GALNT13: variants seen among roughly 807,000 people sequenced by gnomAD.
The protein encoded by GALNT13 is UDP-GalNAc:polypeptide N-acetylgalactosaminyltransferase 13.
A neutral mutation model predicts 64.2 loss-of-function variants in GALNT13; 28 were observed. That is an observed-to-expected ratio of 0.44 (90% CI 0.32 to 0.60). The LOEUF is 0.60. Among genes scored for constraint, GALNT13 ranks in the 20% least tolerant of loss-of-function variants. The pLI, the probability that GALNT13 is intolerant of heterozygous loss-of-function variation, is 0.05. For missense variants in GALNT13, 577 were observed against 669.8 expected (o/e 0.86, Z 1.53); for synonymous variants, 214 against 224.6 (o/e 0.95, Z 0.42).
At chr2:153,407,298 G>A in the GALNT13 span, among the ~76,000 whole-genome samples, 1 of 152,144 alleles carries the variant, frequency 6.6e-6, no homozygotes, top group African/African-American at 2.4e-5. Flanking sequence ...AATAACTATT[G>A]CATGTTTAAT....
chr2:153,754,631 G>T, the GALNT13 span, among the ~76,000 whole-genome samples: 4 of 152,106 alleles, frequency 2.6e-5, no homozygotes, highest in Non-Finnish European at 4.4e-5. Flanking sequence ...GGAGCTGTGA[G>T]CTGTGCAGCC....
At chr2:153,505,786 A>G in the GALNT13 span, among the ~76,000 whole-genome samples, 17,705 of 152,080 alleles carry the variant, frequency 0.12, 1,092 homozygotes, top group Middle Eastern at 0.17. Context: ...CATGCGGTCT[A>G]TCTTGGAGAA....
downstream of GALNT13, among the ~76,000 whole-genome samples, chr2:154,456,191 T>TTTGTTG (rs70983725): frequency 0.57 from 83,941 of 146,180 alleles, 24,261 homozygotes; most frequent in Admixed American, 0.65. Context: ...TTTGTTTTGT[T>TTTGTTG]TTGTTGTTGT....
chr2:153,650,671 A>G, the GALNT13 span, among the ~76,000 whole-genome samples: 15 of 152,108 alleles, frequency 9.9e-5, no homozygotes, highest in African/African-American at 3.6e-4. Context: ...TGGTGACAAA[A>G]TCTCAGCATT....
chr2:153,909,002 A>T (rs1688766150), intron 2 of GALNT13, among the ~76,000 whole-genome samples: 1 of 152,038 alleles, frequency 6.6e-6, no homozygotes, highest in Admixed American at 6.6e-5. Context: ...CATTTTAATG[A>T]TATTGATTCC....
the GALNT13 span, among the ~76,000 whole-genome samples, chr2:153,742,708 A>G: frequency 6.6e-6 from 1 of 151,988 alleles, no homozygotes; most frequent in Non-Finnish European, 1.5e-5. Context: ...CACTTAGGAT[A>G]ATGGCTCCAG....
chr2:153,299,817 A>G, the GALNT13 span, among the ~76,000 whole-genome samples: 897 of 152,274 alleles, frequency 5.9e-3, 8 homozygotes, highest in African/African-American at 0.021. Context: ...TTCAATTTTT[A>G]TACCTGAATT....
chr2:154,080,858 CAA>C (rs1156761221), intron 3 of GALNT13, among the ~76,000 whole-genome samples: 1 of 151,576 alleles, frequency 6.6e-6, no homozygotes. Flanking sequence ...GGGTGAAACT[CAA>C]AGACTTGTAT....
At chr2:153,252,708 G>C in the GALNT13 span, among the ~76,000 whole-genome samples, 2 of 152,182 alleles carry the variant, frequency 1.3e-5, no homozygotes, top group African/African-American at 2.4e-5. Flanking sequence ...AGTTTTCTCA[G>C]CACCATTTAC....
At chr2:153,594,423 A>G in the GALNT13 span, among the ~76,000 whole-genome samples, 1 of 152,102 alleles carries the variant, frequency 6.6e-6, no homozygotes, top group Non-Finnish European at 1.5e-5. Flanking sequence ...CCACGATACT[A>G]TCTTCTGAGT....
chr2:153,529,360 A>C, the GALNT13 span, among the ~76,000 whole-genome samples: 1 of 152,052 alleles, frequency 6.6e-6, no homozygotes, highest in African/African-American at 2.4e-5. Flanking sequence ...AGAGTGAACC[A>C]TGAAGAAATT....
At chr2:153,907,688 G>A (rs1284348616) in intron 2 of GALNT13, among the ~76,000 whole-genome samples, 11 of 151,982 alleles carry the variant, frequency 7.2e-5, no homozygotes, top group Non-Finnish European at 1.6e-4. Flanking sequence ...GTTTGCTAAG[G>A]ATGATGGCCT....
the GALNT13 span, among the ~76,000 whole-genome samples, chr2:153,202,584 G>A: frequency 2.0e-5 from 3 of 152,170 alleles, no homozygotes; most frequent in Non-Finnish European, 4.4e-5. Context: ...CTACAAGTGT[G>A]TGTGTTGAGA....
chr2:153,608,666 A>G, the GALNT13 span, among the ~76,000 whole-genome samples: 1 of 144,736 alleles, frequency 6.9e-6, no homozygotes, highest in African/African-American at 2.5e-5. Flanking sequence ...ACATATTAAT[A>G]TATAAATATA....
chr2:154,449,309 G>A (rs1198263296), intron 12 of GALNT13, among the ~76,000 whole-genome samples: 1 of 150,760 alleles, frequency 6.6e-6, no homozygotes, highest in Non-Finnish European at 1.5e-5. Context: ...TGCAGTCCAC[G>A]ATGTTTTCAG....
At chr2:153,084,150 T>C in the GALNT13 span, among the ~76,000 whole-genome samples, 2 of 152,330 alleles carry the variant, frequency 1.3e-5, no homozygotes, top group African/African-American at 2.4e-5. Flanking sequence ...TGTTATAGTA[T>C]AATTTGAAGT....
the GALNT13 span, among the ~76,000 whole-genome samples, chr2:153,609,723 T>A: frequency 6.6e-6 from 1 of 152,172 alleles, no homozygotes; most frequent in Admixed American, 6.6e-5. Context: ...CAAACCTTAT[T>A]TGATCTCAAA....
chr2:153,195,146 T>C, the GALNT13 span, among the ~76,000 whole-genome samples: 1 of 151,960 alleles, frequency 6.6e-6, no homozygotes, highest in Admixed American at 6.6e-5. Flanking sequence ...AGTTCTTGGG[T>C]CTCTGAGCAG....
At chr2:153,437,666 T>A in the GALNT13 span, among the ~76,000 whole-genome samples, 1 of 152,332 alleles carries the variant, frequency 6.6e-6, no homozygotes, top group African/African-American at 2.4e-5. Context: ...TTTTTTTGTT[T>A]TCCATTTGCT....
Sources: allele counts gnomAD v4.1 joint callset (sites outside exome capture counted in the v4.1 genomes callset), GRCh38; gene constraint gnomAD v4.1.1; transcripts MANE v1.5; gene names NCBI Gene and HGNC (gene_info 2026-07-23, HGNC 2026-07-21).